Variants in KCNIP4 observed in about 807,000 individuals in gnomAD.
KCNIP4 encodes the protein potassium voltage-gated channel interacting protein 4.
KCNIP4 carries 12 observed loss-of-function variants against 34.0 expected under a neutral mutation model. The observed-to-expected ratio is 0.35, with a 90% CI of 0.23 to 0.57. KCNIP4 has a LOEUF of 0.57. Among genes scored for constraint, KCNIP4 ranks in the 20% least tolerant of loss-of-function variants. The pLI, the probability that KCNIP4 is intolerant of heterozygous loss-of-function variation, is 0.83. For missense variants in KCNIP4, 238 were observed against 311.7 expected (o/e 0.76, Z 1.78); for synonymous variants, 124 against 102.2 (o/e 1.21, Z -1.29).
rs1739878898 is a variant in KCNIP4, at chr4:21,566,252, CCAGTGTCA to C, written c.61+382311_61+382318del. Among the ~76,000 whole-genome samples, 3 of 152,126 alleles carry C rather than the reference CCAGTGTCA, an allele frequency of 2.0e-5. No homozygotes were observed. In the South Asian group the frequency reaches 6.2e-4, roughly 32 times the overall value. ...AGGTGGCAAGAGGCCAGTCAGGACA[CCAGTGTCA>C]CAGTCTCTAGACAACAGGTGAATAG... On this transcript the variant is annotated intron_variant, in intron 1 of 8. Coordinates refer to ENST00000382152, the MANE Select transcript of KCNIP4 (RefSeq NM_025221.6).
rs1298846732 is a variant in KCNIP4, at chr4:20,850,856, A to G, written c.164-189T>C. On this transcript the variant is annotated intron_variant, in intron 2 of 8. Transcript: ENST00000382152. ...GCGTATTAAGCTAAAACACTTGTAT[A>G]TGATTTTTTTGCATATTCTTGTCAT... is the stretch of plus-strand genomic sequence containing the variant. The G allele has an allele frequency of 1.4e-5, 7 of 502,800 alleles. No homozygotes were observed. In the East Asian group the frequency reaches 1.6e-4, roughly 12 times the overall value. The allele number at this position is 502,800 out of a possible 1,614,324, so 31.1% of individuals were successfully genotyped here. A position where few individuals can be genotyped will look rare whatever the true frequency, so the allele number is the denominator to read the frequency against.
At chr4:21,628,737 C>T (rs1745506893) in intron 1 of KCNIP4, among the ~76,000 whole-genome samples, 1 of 152,050 alleles carries the variant, frequency 6.6e-6, no homozygotes, top group Admixed American at 6.6e-5. Flanking sequence ...TATCTCCCTA[C>T]CAATAATAAT....
intron 1 of KCNIP4, among the ~76,000 whole-genome samples, chr4:21,065,080 C>T (rs149824470): frequency 2.0e-5 from 3 of 152,336 alleles, no homozygotes; most frequent in Non-Finnish European, 4.4e-5. Flanking sequence ...GGGAACTCCC[C>T]AGCCATTCTG....
chr4:20,970,244 G>C (rs571458453), intron 1 of KCNIP4, among the ~76,000 whole-genome samples: 1 of 151,968 alleles, frequency 6.6e-6, no homozygotes, highest in Admixed American at 6.6e-5. Context: ...CCCGGCCAGC[G>C]GTTATTCTTA....
intron 1 of KCNIP4, among the ~76,000 whole-genome samples, chr4:21,289,227 G>A (rs1763293248): frequency 6.6e-6 from 1 of 152,186 alleles, no homozygotes; most frequent in African/African-American, 2.4e-5. Context: ...CATATAATGT[G>A]TAATGATTCA....
chr4:21,870,514 T>C (rs1351226451), intron 1 of KCNIP4, among the ~76,000 whole-genome samples: 1 of 152,212 alleles, frequency 6.6e-6, no homozygotes, highest in East Asian at 1.9e-4. Context: ...ATGTAGATGC[T>C]AAGCAAATGC....
At chr4:20,791,192 T>C (rs1712707619) in intron 3 of KCNIP4, among the ~76,000 whole-genome samples, 1 of 152,096 alleles carries the variant, frequency 6.6e-6, no homozygotes, top group Admixed American at 6.6e-5. Context: ...AATATCAAAC[T>C]AAAATTCCTT....
At chr4:21,650,276 C>T (rs1337335951) in intron 1 of KCNIP4, among the ~76,000 whole-genome samples, 1 of 152,130 alleles carries the variant, frequency 6.6e-6, no homozygotes, top group Non-Finnish European at 1.5e-5. Context: ...GGACTTTGTC[C>T]TTGTTCCAGT....
At chr4:21,437,136 A>C (rs929663853) in intron 1 of KCNIP4, among the ~76,000 whole-genome samples, 3 of 152,186 alleles carry the variant, frequency 2.0e-5, no homozygotes, top group African/African-American at 7.2e-5. Context: ...TACTTGCTGA[A>C]TTGAATTTTC....
At chr4:21,712,824 C>T (rs763940709) in intron 1 of KCNIP4, among the ~76,000 whole-genome samples, 21 of 152,028 alleles carry the variant, frequency 1.4e-4, no homozygotes, top group Non-Finnish European at 2.8e-4. Flanking sequence ...TCAACTTAGT[C>T]TTCATTGCCC....
intron 1 of KCNIP4, among the ~76,000 whole-genome samples, chr4:21,633,513 A>G (rs371137487): frequency 1.3e-5 from 2 of 152,172 alleles, no homozygotes; most frequent in East Asian, 1.9e-4. Context: ...TGCATTGAAG[A>G]TAGCCAACCT....
chr4:21,905,353 G>C (rs1727936439), intron 1 of KCNIP4, among the ~76,000 whole-genome samples: 1 of 152,096 alleles, frequency 6.6e-6, no homozygotes, highest in Non-Finnish European at 1.5e-5. Flanking sequence ...ATGCCAGTTT[G>C]GGCTTCATGC....
intron 1 of KCNIP4, among the ~76,000 whole-genome samples, chr4:21,375,905 G>A (rs1002574535): frequency 6.6e-6 from 1 of 152,050 alleles, no homozygotes; most frequent in Non-Finnish European, 1.5e-5. Context: ...TGTGAGGAGT[G>A]AAAAATACTC....
intron 1 of KCNIP4, among the ~76,000 whole-genome samples, chr4:21,698,421 C>G (rs1469700313): frequency 6.6e-6 from 1 of 152,186 alleles, no homozygotes; most frequent in East Asian, 1.9e-4. Context: ...AAGGCAAACA[C>G]AACCATCTCC....
chr4:21,370,842 TATATATATACACACAC>T (rs1453700246), intron 1 of KCNIP4, among the ~76,000 whole-genome samples: 18 of 27,216 alleles, frequency 6.6e-4, no homozygotes, highest in South Asian at 2.3e-3. Context: ...TATATATATA[TATATATATACACACAC>T]ACACACACAC....
At chr4:20,927,772 T>C (rs1443939887) in intron 1 of KCNIP4, among the ~76,000 whole-genome samples, 1 of 152,192 alleles carries the variant, frequency 6.6e-6, no homozygotes, top group Non-Finnish European at 1.5e-5. Flanking sequence ...AATGTCCTTA[T>C]ACCATTTATG....
intron 1 of KCNIP4, among the ~76,000 whole-genome samples, chr4:21,445,592 TC>T: frequency 6.6e-6 from 1 of 152,272 alleles, no homozygotes; most frequent in South Asian, 2.1e-4. Flanking sequence ...TGAAACTGGA[TC>T]CCTTCCTTAC....
chr4:21,283,371 ACAAT>A (rs966135376), intron 1 of KCNIP4, among the ~76,000 whole-genome samples: 3 of 152,046 alleles, frequency 2.0e-5, no homozygotes, highest in Non-Finnish European at 4.4e-5. Context: ...AGCTAGGTGG[ACAAT>A]CAACCACCTA....
chr4:21,346,080 T>TATATATATAAAACAA (rs1461577641), intron 1 of KCNIP4, among the ~76,000 whole-genome samples: 1 of 127,242 alleles, frequency 7.9e-6, no homozygotes, highest in Admixed American at 1.1e-4. Context: ...ATATATATAT[T>TATATATATAAAACAA]TAAGATATTT....
Sources: allele counts gnomAD v4.1 joint callset (sites outside exome capture counted in the v4.1 genomes callset), GRCh38; gene constraint gnomAD v4.1.1; transcripts MANE v1.5; gene names NCBI Gene and HGNC (gene_info 2026-07-23, HGNC 2026-07-21).